Variants in ASCC3 observed in about 807,000 individuals in gnomAD.
ASCC3 encodes activating signal cointegrator 1 complex subunit 3.
ASCC3 carries 158 observed loss-of-function variants against 256.3 expected under a neutral mutation model. The ratio of observed to expected loss-of-function variants is 0.62; its 90% CI spans 0.54 to 0.70. The LOEUF (loss-of-function observed/expected upper bound fraction) is 0.70. Among genes scored for constraint, ASCC3 ranks in the 30% least tolerant of loss-of-function variants. The pLI, the probability that ASCC3 is intolerant of heterozygous loss-of-function variation, is 0.00. For synonymous variants in ASCC3, 948 were observed against 883.4 expected, an observed-to-expected ratio of 1.07 and a Z score of -1.30; for missense variants, 2,259 against 2,626.0, an observed-to-expected ratio of 0.86 and a Z score of 3.05.
At chr6:100,575,845 C>G (rs903460889) in intron 36 of ASCC3, among the ~76,000 whole-genome samples, 7 of 151,934 alleles carry the variant, frequency 4.6e-5, no homozygotes, top group African/African-American at 1.7e-4. Flanking sequence ...AACTTTGAAG[C>G]TTTTCATTTC....
At position 100,652,867 on chromosome 6, in the gene ASCC3, T is replaced by A. The variant is rs763891188; in HGVS notation, c.2846A>T (p.His949Leu). ...AACTTCAATGACCAACTGTTCTCGA[T>A]GCTTTCTTAATGTTGGGTCAATCTA... ...AYQIDPTLRK[H>L]REQLVIEVGR... Residue 949 changes from histidine to leucine, a missense_variant, in exon 18 of 42, where the codon CAT (histidine) becomes CTT (leucine). By Grantham distance (99) the His-to-Leu change is moderately conservative. Coordinates refer to ENST00000369162, the MANE Select transcript of ASCC3 (RefSeq NM_006828.4). 1.2e-6 allele frequency: 2 copies of A among 1,613,932 alleles called. No individual in the cohort carries two copies. Among genetic ancestry groups the A allele is most frequent in the Non-Finnish European group, 1.7e-6 (2 of 1,179,914 alleles).
At position 100,578,711 on chromosome 6, in the gene ASCC3, A is replaced by G. The variant is rs551604520; in HGVS notation, c.5550+10923T>C. ...ATTCCATAACTTTGATATTGTGAAT[A>G]GCACTGCAATAAACATATGCGTGCA... is the stretch of plus-strand genomic sequence containing the variant. On this transcript the variant is annotated intron_variant, in intron 36 of 41. Transcript: ENST00000369162. 5.3e-5 allele frequency among the ~76,000 whole-genome samples: 8 copies of G among 152,258 alleles called. No homozygotes were observed. The South Asian group carries it at 1.7e-3, about 32-fold the overall frequency.
intron 8 of ASCC3, among the ~76,000 whole-genome samples, chr6:100,768,200 T>C (rs1270703752): frequency 8.1e-6 from 1 of 122,892 alleles, no homozygotes; most frequent in Non-Finnish European, 1.9e-5. Context: ...GAGTTTGCAC[T>C]GCAACATGTG....
At chr6:100,877,626 G>T (rs954692527) in intron 1 of ASCC3, among the ~76,000 whole-genome samples, 2 of 152,016 alleles carry the variant, frequency 1.3e-5, no homozygotes, top group African/African-American at 4.8e-5. Context: ...CCATCAATTG[G>T]TTCATACAGC....
At chr6:100,509,593 A>T in intron 41 of ASCC3, 60 bp from the exon 42 acceptor site, 1 of 1,510,312 alleles carries the variant, frequency 6.6e-7, no homozygotes, top group Non-Finnish European at 9.1e-7. Flanking sequence ...ATCATATTTA[A>T]TTCTTTCAGA....
chr6:100,785,315 C>A (rs1248307966), intron 8 of ASCC3, among the ~76,000 whole-genome samples: 1 of 152,154 alleles, frequency 6.6e-6, no homozygotes, highest in African/African-American at 2.4e-5. Context: ...AGAAATCCCA[C>A]CTAAATTAAT....
rs1770427806 is a variant in ASCC3 at position 100,568,913 on chromosome 6, G to A, written c.5550+20721C>T. On this transcript the variant is annotated intron_variant, in intron 36 of 41. Coordinates refer to ENST00000369162, the MANE Select transcript of ASCC3 (RefSeq NM_006828.4). ...CTGCCTCAGCCTCCCGAGTAACTGG[G>A]ACTACGGGCACCCGCCACCATGCCC... 2.0e-5 allele frequency among the ~76,000 whole-genome samples: 3 copies of A among 151,692 alleles called. No homozygotes were observed. The South Asian group carries it at 6.2e-4, about 32-fold the overall frequency.
chr6:100,547,978 T>A (rs961286054), intron 36 of ASCC3, among the ~76,000 whole-genome samples: 3 of 151,776 alleles, frequency 2.0e-5, no homozygotes, highest in Admixed American at 6.6e-5. Context: ...GAATTAATGA[T>A]TGATGTTTGC....
At chr6:100,665,779 A>G (rs977180387) in intron 14 of ASCC3, among the ~76,000 whole-genome samples, 2 of 151,326 alleles carry the variant, frequency 1.3e-5, no homozygotes, top group Non-Finnish European at 2.9e-5. Context: ...ATGAACTGGA[A>G]TCCCTGGAGA....
chr6:100,625,416 T>C (rs759881140), intron 29 of ASCC3, 82 bp from the exon 30 acceptor site: 24 of 1,468,976 alleles, frequency 1.6e-5, no homozygotes, highest in Non-Finnish European at 2.3e-5. Context: ...AATGGATACA[T>C]GAAAACTAAT....
intron 36 of ASCC3, among the ~76,000 whole-genome samples, chr6:100,581,017 T>C (rs1379125926): frequency 1.3e-5 from 2 of 152,172 alleles, no homozygotes; most frequent in Non-Finnish European, 2.9e-5. Context: ...GTCTTTGCTA[T>C]TGCGAATAGT....
chr6:100,673,497 A>G (rs1192143772), intron 14 of ASCC3, among the ~76,000 whole-genome samples: 2 of 152,142 alleles, frequency 1.3e-5, no homozygotes, highest in African/African-American at 4.8e-5. Flanking sequence ...AATTTATTCT[A>G]TGCTTCTAAA....
At chr6:100,848,768 T>C in intron 3 of ASCC3, 61 bp from the exon 4 acceptor site, 1 of 1,524,628 alleles carries the variant, frequency 6.6e-7, no homozygotes, top group African/African-American at 1.4e-5. Context: ...GTTACGATCT[T>C]CCAAAAAATT....
In ASCC3 at chr6:100,607,098, A is replaced by C; in HGVS notation, c.4786-10T>G. ...CAATGATGTTCTCCATCTGCAAGTA[A>C]AAACAAAATTACAAGATGTAGATGC... On this transcript the variant is annotated splice_polypyrimidine_tract_variant and intron_variant, in intron 30 of 41. Coordinates refer to ENST00000369162, the MANE Select transcript of ASCC3 (RefSeq NM_006828.4). 1 of 1,613,114 alleles carries C rather than the reference A, an allele frequency of 6.2e-7. No individual in the cohort carries two copies. The highest frequency in any genetic ancestry group is 1.1e-5 in the South Asian group (1 of 91,020).
intron 13 of ASCC3, among the ~76,000 whole-genome samples, chr6:100,686,423 A>T (rs375434202): frequency 6.6e-6 from 1 of 152,332 alleles, no homozygotes; most frequent in African/African-American, 2.4e-5. Flanking sequence ...GTTTATGCAC[A>T]TATTTAAACA....
chr6:100,842,592 T>C (rs1772196920), intron 4 of ASCC3, among the ~76,000 whole-genome samples: 1 of 152,142 alleles, frequency 6.6e-6, no homozygotes, highest in Non-Finnish European at 1.5e-5. Flanking sequence ...CTCTTCATAC[T>C]TTTTTTCTGA....
intron 13 of ASCC3, among the ~76,000 whole-genome samples, chr6:100,685,283 T>A (rs913667334): frequency 6.6e-6 from 1 of 152,096 alleles, no homozygotes; most frequent in Admixed American, 6.6e-5. Context: ...AGGCTTGGGG[T>A]AGGGAGGGTC....
intron 4 of ASCC3, among the ~76,000 whole-genome samples, chr6:100,822,791 T>G (rs897326506): frequency 6.6e-6 from 1 of 152,144 alleles, no homozygotes; most frequent in Non-Finnish European, 1.5e-5. Context: ...CCCAAAAAAT[T>G]TGTTAGTTCT....
chr6:100,678,542 G>A (rs1244635721), intron 14 of ASCC3, among the ~76,000 whole-genome samples: 1 of 151,970 alleles, frequency 6.6e-6, no homozygotes, highest in Non-Finnish European at 1.5e-5. Flanking sequence ...TTATAGTACA[G>A]TCACAATTAA....
Sources: allele counts gnomAD v4.1 joint callset (sites outside exome capture counted in the v4.1 genomes callset), GRCh38; gene constraint gnomAD v4.1.1; transcripts MANE v1.5; gene names NCBI Gene and HGNC (gene_info 2026-07-23, HGNC 2026-07-21).